Variants in RANBP9 observed in about 807,000 individuals in gnomAD.
The protein encoded by RANBP9 is RAN binding protein 9, also known as ran-binding protein 9.
A neutral mutation model predicts 84.3 loss-of-function variants in RANBP9; 15 were observed. That is an observed-to-expected ratio of 0.18 (90% CI 0.12 to 0.27). RANBP9 has a LOEUF of 0.27. Ranked by LOEUF, RANBP9 falls within the 10% of genes least tolerant of loss-of-function variation. The probability of loss-of-function intolerance (pLI) is 1.00; values close to 1 mark genes in which losing one functional copy is unlikely to be tolerated. For synonymous variants in RANBP9, 392 were observed against 349.6 expected, an observed-to-expected ratio of 1.12 and a Z score of -1.35; for missense variants, 809 against 912.8, an observed-to-expected ratio of 0.89 and a Z score of 1.46.
At chr6:13,624,690 T>C (rs577371390) in intron 13 of RANBP9, among the ~76,000 whole-genome samples, 2 of 152,330 alleles carry the variant, frequency 1.3e-5, no homozygotes, top group East Asian at 1.9e-4. Context: ...GAGCTGCTCA[T>C]AGGAATGGCA....
intron 12 of RANBP9, among the ~76,000 whole-genome samples, chr6:13,626,981 G>C: frequency 6.6e-6 from 1 of 152,154 alleles, no homozygotes; most frequent in Non-Finnish European, 1.5e-5. Context: ...GAGACCACAA[G>C]GCATGGAATA....
intron 2 of RANBP9, among the ~76,000 whole-genome samples, chr6:13,683,632 G>T (rs1188979704): frequency 1.3e-5 from 2 of 151,954 alleles, no homozygotes; most frequent in Admixed American, 1.3e-4. Flanking sequence ...ACTCCAAAAT[G>T]TCAACTGCCA....
chr6:13,626,184 C>T (rs1175254957), intron 12 of RANBP9, among the ~76,000 whole-genome samples: 2 of 152,182 alleles, frequency 1.3e-5, no homozygotes, highest in Admixed American at 1.3e-4. Context: ...GAACTGGACA[C>T]ATCTCACTGG....
chr6:13,634,408 A>G, intron 11 of RANBP9, 23 bp downstream of exon 11: 3 of 1,604,008 alleles, frequency 1.9e-6, no homozygotes, highest in Non-Finnish European at 2.6e-6. Flanking sequence ...TTTATTAAAA[A>G]TGTAAGAAAT....
chr6:13,632,711 C>G (rs1334751190), intron 11 of RANBP9, 190 bp from the exon 12 acceptor site: 1 of 583,354 alleles, frequency 1.7e-6, no homozygotes, highest in Non-Finnish European at 2.9e-6. Context: ...ATTTAGCTCT[C>G]AAGAGTCTAG....
chr6:13,659,326 T>G (rs2127771201), intron 2 of RANBP9, among the ~76,000 whole-genome samples: 1 of 150,040 alleles, frequency 6.7e-6, no homozygotes, highest in South Asian at 2.1e-4. Context: ...GGAAAAAATT[T>G]CAAACTCACA....
At chr6:13,667,247 T>G (rs1765672217) in intron 2 of RANBP9, among the ~76,000 whole-genome samples, 1 of 152,206 alleles carries the variant, frequency 6.6e-6, no homozygotes, top group South Asian at 2.1e-4. Context: ...TTGATAGGCT[T>G]AAGCCTACTA....
intron 1 of RANBP9, among the ~76,000 whole-genome samples, chr6:13,697,931 G>T: frequency 6.6e-6 from 1 of 152,170 alleles, no homozygotes; most frequent in East Asian, 1.9e-4. Context: ...TTCATGGGTA[G>T]CAGAATTCTC....
At chr6:13,630,421 A>G (rs559776729) in intron 12 of RANBP9, among the ~76,000 whole-genome samples, 1 of 152,308 alleles carries the variant, frequency 6.6e-6, no homozygotes, top group African/African-American at 2.4e-5. Context: ...GTATAATCTT[A>G]AATTTTCAAA....
chr6:13,686,721 C>T (rs1305234483), intron 2 of RANBP9, among the ~76,000 whole-genome samples: 2 of 152,162 alleles, frequency 1.3e-5, no homozygotes, highest in African/African-American at 4.8e-5. Flanking sequence ...ATCAAATTGG[C>T]AGTGTATTAC....
chr6:13,662,337 A>G (rs921397073), intron 2 of RANBP9, among the ~76,000 whole-genome samples: 4 of 152,208 alleles, frequency 2.6e-5, no homozygotes, highest in African/African-American at 9.6e-5. Context: ...TAGCAGACAA[A>G]AAAATTTAAA....
At chr6:13,676,847 T>C (rs1286823604) in intron 2 of RANBP9, among the ~76,000 whole-genome samples, 1 of 152,034 alleles carries the variant, frequency 6.6e-6, no homozygotes, top group African/African-American at 2.4e-5. Context: ...AAACTAGGAA[T>C]AGAGGGGGAG....
In RANBP9 at chr6:13,657,052, G is replaced by C. The variant is rs184933429; in HGVS notation, c.904+57C>G. 1.3e-4 allele frequency: 181 copies of C among 1,429,304 alleles called. 1 individual carries two copies. The African/African-American group carries it at 2.4e-3, about 19-fold the overall frequency. The allele number at this position is 1,429,304 out of a possible 1,614,324, so 88.5% of individuals were successfully genotyped here. On this transcript the variant is annotated intron_variant, in intron 4 of 13. Coordinates refer to ENST00000011619, the MANE Select transcript of RANBP9 (RefSeq NM_005493.3). ...ACATAATAAATACAACTACCATCCTGGAAGTATAATAATCTCCATATTTGG... is the reference window on the plus strand; with the variant it reads ...ACATAATAAATACAACTACCATCCTCGAAGTATAATAATCTCCATATTTGG...
chr6:13,692,196 T>C (rs942342726), intron 2 of RANBP9, among the ~76,000 whole-genome samples: 1 of 152,046 alleles, frequency 6.6e-6, no homozygotes, highest in Non-Finnish European at 1.5e-5. Context: ...GCCTAGAACT[T>C]TGTTCGACAC....
chr6:13,662,798 C>A (rs751174873), intron 2 of RANBP9, among the ~76,000 whole-genome samples: 3 of 152,082 alleles, frequency 2.0e-5, no homozygotes, highest in Non-Finnish European at 2.9e-5. Context: ...AAAACAAGAA[C>A]CAAACAGAAA....
intron 4 of RANBP9, among the ~76,000 whole-genome samples, chr6:13,655,677 G>A (rs908550648): frequency 6.6e-6 from 1 of 152,072 alleles, no homozygotes; most frequent in Non-Finnish European, 1.5e-5. Context: ...TTCTTCTCTG[G>A]AAAGTTTAAA....
chr6:13,683,900 G>A (rs59843377), intron 2 of RANBP9, among the ~76,000 whole-genome samples: 29,479 of 151,738 alleles, frequency 0.19, 3,140 homozygotes, highest in African/African-American at 0.27. Context: ...AAACATGATG[G>A]TTATATATCT....
chr6:13,638,402 A>G (rs1052164121), intron 9 of RANBP9, among the ~76,000 whole-genome samples: 41 of 152,178 alleles, frequency 2.7e-4, no homozygotes, highest in African/African-American at 9.9e-4. Flanking sequence ...TGAAATAAGA[A>G]AAAGCAATGG....
chr6:13,696,754 C>G lies in RANBP9; in HGVS notation c.683+31G>C, dbSNP rs201404691. 708 of 1,542,510 alleles carry G rather than the reference C, an allele frequency of 4.6e-4. 2 individuals are homozygous for G. Among genetic ancestry groups the G allele is most frequent in the South Asian group, 1.1e-3 (95 of 86,376 alleles). ...TTATGAACCAAAACAAAAAAACTAG[C>G]AAACGATTTTTCTCACCAAAATTTA... On this transcript the variant is annotated intron_variant, in intron 2 of 13. Coordinates refer to ENST00000011619, the MANE Select transcript of RANBP9 (RefSeq NM_005493.3).
Sources: allele counts gnomAD v4.1 joint callset (sites outside exome capture counted in the v4.1 genomes callset), GRCh38; gene constraint gnomAD v4.1.1; transcripts MANE v1.5; gene names NCBI Gene and HGNC (gene_info 2026-07-23, HGNC 2026-07-21).